COG3: variants seen among roughly 807,000 people sequenced by gnomAD.
The protein encoded by COG3 is conserved oligomeric Golgi complex subunit 3.
In COG3, 32 loss-of-function variants were observed where a neutral mutation model predicts 114.1. The ratio of observed to expected loss-of-function variants is 0.28; its 90% CI spans 0.21 to 0.38. The LOEUF (loss-of-function observed/expected upper bound fraction) is 0.38, where lower values mean the gene tolerates loss of function less well. Ranked by LOEUF, COG3 falls within the 10% of genes least tolerant of loss-of-function variation. The pLI, the probability that COG3 is intolerant of heterozygous loss-of-function variation, is 1.00. For synonymous variants in COG3, 352 were observed against 365.7 expected (o/e 0.96, Z 0.43); for missense variants, 813 against 973.2 (o/e 0.84, Z 2.19).
In COG3 at chr13:45,523,651, G is replaced by A. The variant is rs150052345; in HGVS notation, c.2155-1325G>A. On this transcript the variant is annotated intron_variant, in intron 19 of 22. Coordinates refer to ENST00000349995, the MANE Select transcript of COG3 (RefSeq NM_031431.4). The stretch of plus-strand genomic sequence containing the variant: ...GTTTTTAACATAAAAATACTTGTGC[G>A]AAACCTAAATCTATGTTATGAAATT... Among the ~76,000 whole-genome samples, 818 of 152,190 alleles carry A rather than the reference G, an allele frequency of 5.4e-3. 11 individuals are homozygous for A. Among genetic ancestry groups the A allele is most frequent in the African/African-American group, 0.018 (748 of 41,502 alleles).
chr13:45,498,387 T>G (rs1869086930), intron 13 of COG3, among the ~76,000 whole-genome samples: 2 of 149,832 alleles, frequency 1.3e-5, no homozygotes, highest in African/African-American at 4.9e-5. Context: ...GAGACATAGT[T>G]TCACTCTTTT....
chr13:45,468,318 C>T (rs1885270111), intron 1 of COG3, among the ~76,000 whole-genome samples: 1 of 152,142 alleles, frequency 6.6e-6, no homozygotes, highest in Non-Finnish European at 1.5e-5. Context: ...TGTGAAATCA[C>T]GTATGCAAGG....
intron 19 of COG3, among the ~76,000 whole-genome samples, chr13:45,520,320 A>G (rs201385466): frequency 7.7e-3 from 201 of 26,152 alleles, no homozygotes; most frequent in African/African-American, 0.038. Flanking sequence ...AAAATAAAAA[A>G]AGAGAAAGAA....
At chr13:45,510,921 G>C (rs1021717297) in intron 15 of COG3, among the ~76,000 whole-genome samples, 17 of 152,182 alleles carry the variant, frequency 1.1e-4, no homozygotes, top group Admixed American at 7.9e-4. Context: ...TAATAGCCTT[G>C]TGGGAAACCA....
At chr13:45,526,301 G>T (rs1194064634) in intron 20 of COG3, among the ~76,000 whole-genome samples, 1 of 151,684 alleles carries the variant, frequency 6.6e-6, no homozygotes, top group Non-Finnish European at 1.5e-5. Context: ...GGCCAGGCTG[G>T]TCTCAAACTC....
intron 4 of COG3, 92 bp from the exon 5 acceptor site, chr13:45,481,138 C>G (rs1886223315): frequency 2.8e-6 from 2 of 722,330 alleles, no homozygotes; most frequent in Non-Finnish European, 4.9e-6. Flanking sequence ...ACCTCTGTGT[C>G]TAATGTAAAT....
chr13:45,489,791 A>G (rs1365192787), intron 8 of COG3, among the ~76,000 whole-genome samples: 7 of 150,044 alleles, frequency 4.7e-5, no homozygotes, highest in African/African-American at 1.7e-4. Flanking sequence ...TGTTGGTTAG[A>G]ATGTACTCCT....
rs1433197516 is a variant in COG3 at position 45,486,725 on chromosome 13, C to T, written c.924+150C>T. 3 of 631,862 alleles carry T rather than the reference C, an allele frequency of 4.7e-6. No homozygotes were observed. In the Admixed American group the frequency reaches 7.4e-5, roughly 16 times the overall value. 39.1% of individuals were successfully genotyped at this position (631,862 alleles called of 1,614,324 possible). ...GTCCTTCCACATTATAGCAGTGTAT[C>T]TTAGTGTTGTGTCTAGGTTCTTTAA... is the stretch of plus-strand genomic sequence containing the variant. On this transcript the variant is annotated intron_variant, in intron 8 of 22. Transcript: ENST00000349995.
In COG3 at chr13:45,518,656, G is replaced by A; in HGVS notation, c.1931-106G>A. 3 of 759,502 alleles carry A rather than the reference G, an allele frequency of 3.9e-6. No individual in the cohort carries two copies. In the South Asian group the frequency reaches 5.2e-5, roughly 13 times the overall value. 47.0% of individuals were successfully genotyped at this position (759,502 alleles called of 1,614,324 possible). A position where few individuals can be genotyped will look rare whatever the true frequency, so the allele number is the denominator to read the frequency against. ...CTTTCATGGAGGTGAGTTGCTGAAGGTGAATTGGCTTTTTGCCTTGTGGTG... is the reference window on the plus strand; with the variant it reads ...CTTTCATGGAGGTGAGTTGCTGAAGATGAATTGGCTTTTTGCCTTGTGGTG... On this transcript the variant is annotated intron_variant, in intron 17 of 22. Coordinates refer to ENST00000349995, the MANE Select transcript of COG3 (RefSeq NM_031431.4).
rs1443812654 is a variant in COG3, at chr13:45,486,329, A to T, written c.844-166A>T. 2.1e-3 allele frequency among the ~76,000 whole-genome samples: 65 copies of T among 30,832 alleles called. 3 individuals carry two copies. Among genetic ancestry groups the T allele is most frequent in the Non-Finnish European group, 1.7e-3 (29 of 16,940 alleles). The allele number at this position is 30,832 out of a possible 152,430, so 20.2% of individuals were successfully genotyped here. On this transcript the variant is annotated intron_variant, in intron 7 of 22. Transcript: ENST00000349995. ...CGGGAGACGGGAGACGGGAGACGGG[A>T]GACGGGAGACGGGAGAGGGAGAGGG...
chr13:45,505,718 C>G (rs925880779), intron 14 of COG3, among the ~76,000 whole-genome samples: 3 of 152,024 alleles, frequency 2.0e-5, no homozygotes, highest in Non-Finnish European at 4.4e-5. Context: ...TTTGGCCTCC[C>G]AAAGTGCTGG....
rs191548796 is a variant in COG3, at chr13:45,478,732, G to A, written c.322-273G>A. On this transcript the variant is annotated intron_variant, in intron 2 of 22. Transcript: ENST00000349995. The stretch of plus-strand genomic sequence containing the variant: ...TCGAACTCCCGACCTCAGGTGATCC[G>A]CCCACCTCGGCCTCCCAAAGTGCTG... Among the ~76,000 whole-genome samples, 234 of 152,206 alleles carry A rather than the reference G, an allele frequency of 1.5e-3. 1 individual carries two copies. The highest frequency in any genetic ancestry group is 5.2e-3 in the African/African-American group (215 of 41,528).
intron 17 of COG3, 69 bp from the exon 18 acceptor site, chr13:45,518,693 G>A (rs1871799186): frequency 8.6e-7 from 1 of 1,157,464 alleles, no homozygotes; most frequent in East Asian, 2.3e-5. Flanking sequence ...TAGAGAACTG[G>A]TGTATGTTAC....
At chr13:45,516,333 G>T in intron 17 of COG3, 70 bp downstream of exon 17, 1 of 1,317,114 alleles carries the variant, frequency 7.6e-7, no homozygotes, top group East Asian at 2.6e-5. Flanking sequence ...ACAGGTTTTA[G>T]GTTTATTTTA....
At chr13:45,504,401 T>C (rs1270040773) in intron 14 of COG3, among the ~76,000 whole-genome samples, 1 of 152,202 alleles carries the variant, frequency 6.6e-6, no homozygotes, top group East Asian at 1.9e-4. Context: ...GTATACCTCT[T>C]TATGAGCACG....
intron 5 of COG3, among the ~76,000 whole-genome samples, chr13:45,481,675 TGAAGAAAAGTATA>T (rs1886255961): frequency 6.6e-6 from 1 of 152,190 alleles, no homozygotes; most frequent in East Asian, 1.9e-4. Context: ...ATGTTTAGTT[TGAAGAAAAGTATA>T]GTCCTCAAAA....
chr13:45,466,386 G>A (rs1345618583), intron 1 of COG3: 1 of 152,174 alleles, frequency 6.6e-6, no homozygotes, highest in African/African-American at 2.4e-5. Flanking sequence ...AATGCAGATT[G>A]AGTTTAGAGT....
rs1228167077 is a variant in COG3, at chr13:45,534,808, C to T, written c.*77C>T. 3.3e-5 allele frequency: 49 copies of T among 1,484,132 alleles called. No homozygotes were observed. Among genetic ancestry groups the T allele is most frequent in the East Asian group, 2.6e-4 (10 of 37,998 alleles). 91.9% of individuals were successfully genotyped at this position (1,484,132 alleles called of 1,614,324 possible). ...AGAAGTCTTGCAGTCTGCAGGACAC[C>T]GAGGAATCGTATGTGGGAACGTCCC... On this transcript the variant is annotated 3_prime_UTR_variant, in exon 23 of 23. Transcript: ENST00000349995.
chr13:45,489,271 A>AAAG (rs1279478918), intron 8 of COG3, among the ~76,000 whole-genome samples: 1 of 147,690 alleles, frequency 6.8e-6, no homozygotes, highest in East Asian at 1.9e-4. Context: ...TCAAAAAAAA[A>AAAG]AAAAAAAAAG....
Sources: gnomAD v4.1 joint callset for allele counts (sites outside exome capture counted in the v4.1 genomes callset) on GRCh38, gnomAD v4.1.1 for gene constraint, MANE v1.5 for transcripts, NCBI Gene and HGNC (gene_info 2026-07-23, HGNC 2026-07-21) for gene names.